SH3PXD2B: variants seen among roughly 807,000 people sequenced by gnomAD.
SH3PXD2B encodes SH3 and PX domains 2B.
Under a neutral mutation model 73.1 loss-of-function variants are expected in SH3PXD2B, and 37 were observed. The observed-to-expected ratio is 0.51, with a 90% CI of 0.39 to 0.67. SH3PXD2B has a LOEUF of 0.67. SH3PXD2B is among the 30% of genes least tolerant of loss of function. The pLI is 0.00. For synonymous variants in SH3PXD2B, 457 were observed against 480.5 expected (o/e 0.95, Z 0.64); for missense variants, 1,053 against 1,197.8 (o/e 0.88, Z 1.78).
At chr5:172,444,364 C>T (rs1200845212) in intron 1 of SH3PXD2B, among the ~76,000 whole-genome samples, 5 of 152,218 alleles carry the variant, frequency 3.3e-5, no homozygotes, top group South Asian at 2.1e-4. Flanking sequence ...GACAGCCCCA[C>T]CTTTCCAATA....
chr5:172,390,818 TG>T (rs1758170223), intron 4 of SH3PXD2B, among the ~76,000 whole-genome samples: 8 of 21,366 alleles, frequency 3.7e-4, no homozygotes, highest in African/African-American at 1.6e-3. Context: ...CCGTCTTTTG[TG>T]TGTGTGTGTG....
intron 2 of SH3PXD2B, among the ~76,000 whole-genome samples, chr5:172,415,625 A>C (rs1481634239): frequency 6.6e-6 from 1 of 152,326 alleles, no homozygotes; most frequent in East Asian, 1.9e-4. Context: ...GGCATCTGGC[A>C]CATTCCAGTT....
intron 5 of SH3PXD2B, 147 bp downstream of exon 5, chr5:172,381,889 C>T: frequency 3.2e-6 from 2 of 624,888 alleles, no homozygotes; most frequent in East Asian, 2.8e-5. Flanking sequence ...CTTACAGCAA[C>T]TCTGAAGGCT....
intron 1 of SH3PXD2B, among the ~76,000 whole-genome samples, chr5:172,451,280 G>T (rs1408994137): frequency 6.6e-6 from 1 of 152,244 alleles, no homozygotes; most frequent in African/African-American, 2.4e-5. Context: ...TGCAAATGGG[G>T]AGAGGGGTAG....
chr5:172,367,685 G>T (rs996792251), intron 6 of SH3PXD2B, among the ~76,000 whole-genome samples: 1 of 152,174 alleles, frequency 6.6e-6, no homozygotes, highest in Non-Finnish European at 1.5e-5. Flanking sequence ...AGTTGGGAGT[G>T]GTCATGTAAC....
intron 7 of SH3PXD2B, among the ~76,000 whole-genome samples, chr5:172,359,500 C>G (rs1041128778): frequency 2.0e-5 from 3 of 151,780 alleles, no homozygotes; most frequent in Non-Finnish European, 4.4e-5. Context: ...CCCAACTGCA[C>G]ACATGAGGAA....
chr5:172,369,618 A>T (rs1223979529), intron 6 of SH3PXD2B, among the ~76,000 whole-genome samples: 1 of 152,142 alleles, frequency 6.6e-6, no homozygotes, highest in East Asian at 1.9e-4. Context: ...ACATGCAAAA[A>T]TTAGCCAGGC....
chr5:172,369,792 A>C (rs1757661801), intron 6 of SH3PXD2B, among the ~76,000 whole-genome samples: 1 of 151,756 alleles, frequency 6.6e-6, no homozygotes, highest in Non-Finnish European at 1.5e-5. Context: ...CTAACAAAAA[A>C]ACCCCAACCC....
chr5:172,338,653 T>A lies in SH3PXD2B; in HGVS notation c.2452A>T (p.Thr818Ser), dbSNP rs770680733. The A allele has an allele frequency of 1.2e-6, 2 of 1,614,224 alleles. No homozygotes were observed. The highest frequency in any genetic ancestry group is 3.3e-5 in the Admixed American group (2 of 60,030). ...LSNSLGGQDDTRGKGSLGPWG... is the reference protein window; with the variant it reads ...LSNSLGGQDDSRGKGSLGPWG... Reference sequence around the variant, plus strand: ...GGCCCCAGGCTGCCTTTGCCTCGCGTGTCATCCTGGCCCCCCAAAGAGTTG... The same window carrying A: ...GGCCCCAGGCTGCCTTTGCCTCGCGAGTCATCCTGGCCCCCCAAAGAGTTG... The change falls in exon 13 of 13, where the codon ACG (threonine) becomes TCG (serine). Residue 818 changes from threonine (T) to serine (S), a missense_variant. Thr to Ser is a moderately conservative substitution (Grantham distance 58, BLOSUM62 1). Coordinates refer to ENST00000311601, the MANE Select transcript of SH3PXD2B (RefSeq NM_001017995.3). The surrounding 1 kb of genome is among the most constrained non-coding windows in gnomAD (Gnocchi z 5.1).
intron 2 of SH3PXD2B, among the ~76,000 whole-genome samples, chr5:172,412,820 C>T (rs920053549): frequency 2.0e-5 from 3 of 152,168 alleles, no homozygotes; most frequent in Non-Finnish European, 2.9e-5. Context: ...CGCGCTCCCC[C>T]CAGATAACAA....
chr5:172,434,186 C>A (rs1759315612), intron 1 of SH3PXD2B, among the ~76,000 whole-genome samples: 1 of 152,158 alleles, frequency 6.6e-6, no homozygotes, highest in South Asian at 2.1e-4. Flanking sequence ...AATGCCCTGA[C>A]TTGATCATTA....
intron 7 of SH3PXD2B, among the ~76,000 whole-genome samples, chr5:172,360,238 C>G (rs1385083307): frequency 6.6e-6 from 1 of 152,174 alleles, no homozygotes; most frequent in African/African-American, 2.4e-5. Flanking sequence ...GCAATGGCAA[C>G]AGTGATGTGT....
intron 9 of SH3PXD2B, among the ~76,000 whole-genome samples, chr5:172,352,759 T>C (rs573257083): frequency 1.3e-5 from 2 of 152,332 alleles, no homozygotes; most frequent in East Asian, 3.9e-4. Context: ...CGATGCTATG[T>C]AAGAAATGCT....
downstream of SH3PXD2B, among the ~76,000 whole-genome samples, chr5:172,329,279 T>C: frequency 6.7e-6 from 1 of 150,094 alleles, no homozygotes; most frequent in Admixed American, 6.7e-5. Flanking sequence ...AGATGAGGTT[T>C]CACCATGTTG....
intron 8 of SH3PXD2B, 109 bp from the exon 9 acceptor site, chr5:172,354,114 T>A: frequency 9.2e-7 from 1 of 1,082,736 alleles, no homozygotes; most frequent in Non-Finnish European, 1.4e-6. Context: ...CTTCAGAGAT[T>A]TCTGGGCACC....
chr5:172,422,454 C>T lies in SH3PXD2B; in HGVS notation c.118G>A (p.Ala40Thr). 1.9e-6 allele frequency: 3 copies of T among 1,612,646 alleles called. No individual in the cohort carries two copies. Among genetic ancestry groups the T allele is most frequent in the Non-Finnish European group, 2.5e-6 (3 of 1,179,706 alleles). ...RVTWSSGSTE[A>T]IYRRYSKFFD... ...AACTTGCTGTAGCGCCGGTAAATGG[C>T]CTCGGTGGAGCCGCTGGACCACGTG... Residue 40 changes from alanine to threonine, a missense_variant, in exon 2 of 13, where the codon GCC (alanine) becomes ACC (threonine). Around this residue, in one of 2 missense-constraint regions of SH3PXD2B, gnomAD observed 466 missense variants for 607.1 expected, o/e 0.77. Transcript: ENST00000311601.
intron 7 of SH3PXD2B, among the ~76,000 whole-genome samples, chr5:172,360,517 G>A (rs1178682863): frequency 1.3e-5 from 2 of 152,204 alleles, no homozygotes; most frequent in African/African-American, 2.4e-5. Flanking sequence ...AGACAAGTTG[G>A]TGGTATCTTA....
Position 172,440,492 on chromosome 5 carries a change from C to T in SH3PXD2B, c.75+13786G>A, listed in dbSNP as rs189621004. Among the ~76,000 whole-genome samples, 13 of 150,418 alleles carry T rather than the reference C, an allele frequency of 8.6e-5. No homozygotes were observed. The East Asian group carries it at 2.5e-3, about 29-fold the overall frequency. On this transcript the variant is annotated intron_variant, in intron 1 of 12. Coordinates refer to ENST00000311601, the MANE Select transcript of SH3PXD2B (RefSeq NM_001017995.3). ...GGCAGGAGAGCTCAGGAAGAACATC[C>T]CCAAAGTGCAGAAGGAGAATTGACA...
intron 1 of SH3PXD2B, among the ~76,000 whole-genome samples, chr5:172,424,922 C>G (rs1223126153): frequency 6.6e-6 from 1 of 152,142 alleles, no homozygotes; most frequent in African/African-American, 2.4e-5. Context: ...CTACCCCATC[C>G]CTGCTCACAA....
Sources: allele counts gnomAD v4.1 joint callset (sites outside exome capture counted in the v4.1 genomes callset), GRCh38; gene constraint gnomAD v4.1.1; regional missense constraint gnomAD v4.1.1; non-coding constraint Gnocchi (gnomAD v3.1); transcripts MANE v1.5; gene names NCBI Gene and HGNC (gene_info 2026-07-23, HGNC 2026-07-21).